CDK12: variants seen among roughly 807,000 people sequenced by gnomAD.
CDK12 encodes cyclin-dependent kinase 12.
CDK12 carries 17 observed loss-of-function variants against 133.8 expected under a neutral mutation model. The ratio of observed to expected loss-of-function variants is 0.13; its 90% CI spans 0.09 to 0.19. CDK12 has a LOEUF of 0.19. Ranked by LOEUF, CDK12 falls within the 10% of genes least tolerant of loss-of-function variation. The pLI, the probability that CDK12 is intolerant of heterozygous loss-of-function variation, is 1.00. For synonymous variants in CDK12, 694 were observed against 683.6 expected (o/e 1.02, Z -0.24); for missense variants, 1,508 against 1,818.7 (o/e 0.83, Z 3.11).
rs1305526709 is a variant in CDK12, at chr17:39,462,977, C to G, written c.906C>G (p.Val302=). 6.2e-7 allele frequency: 1 copy of G among 1,614,180 alleles called. No homozygotes were observed. The highest frequency in any genetic ancestry group is 8.5e-7 in the Non-Finnish European group (1 of 1,180,014). Residue 302 remains valine, a synonymous_variant, in exon 1 of 14, where the codon GTC becomes GTG. Coordinates refer to ENST00000447079, the MANE Select transcript of CDK12 (RefSeq NM_016507.4). Reference sequence around the variant, plus strand: ...CCTACAGTAGGCGACAGAGATCTGTCAGTCCCTATAGCAGGAGACGGTCGT... The same window carrying G: ...CCTACAGTAGGCGACAGAGATCTGTGAGTCCCTATAGCAGGAGACGGTCGT... ...PSPYSRRQRS[V]SPYSRRRSSS...
chr17:39,478,647 A>G (rs2050398619), intron 2 of CDK12, among the ~76,000 whole-genome samples: 1 of 152,134 alleles, frequency 6.6e-6, no homozygotes, highest in South Asian at 2.1e-4. Flanking sequence ...TTTAGGCTAC[A>G]TAGCCAGACC....
downstream of CDK12, among the ~76,000 whole-genome samples, chr17:39,537,651 C>T (rs1390903655): frequency 6.7e-6 from 1 of 149,964 alleles, no homozygotes; most frequent in Non-Finnish European, 1.5e-5. Context: ...CAGCCTCCAC[C>T]TCCCAGGTTC....
rs574769005 is a variant in CDK12 at position 39,498,006 on chromosome 17, T to C, written c.2420-3244T>C. On this transcript the variant is annotated intron_variant, in intron 5 of 13. Coordinates refer to ENST00000447079, the MANE Select transcript of CDK12 (RefSeq NM_016507.4). Reference sequence around the variant, plus strand: ...CTCTTTCTCTCTCTCTTTCTCTCTTTCTTTCTTTTTTTTTTGGGACAGAGT... The same window carrying C: ...CTCTTTCTCTCTCTCTTTCTCTCTTCCTTTCTTTTTTTTTTGGGACAGAGT... Among the ~76,000 whole-genome samples the C allele has an allele frequency of 6.1e-3, 571 of 92,890 alleles. 3 individuals are homozygous for C. Among genetic ancestry groups the C allele is most frequent in the Middle Eastern group, 0.012 (2 of 164 alleles). The allele number at this position is 92,890 out of a possible 152,430, so 60.9% of individuals were successfully genotyped here. A position where few individuals can be genotyped will look rare whatever the true frequency, so the allele number is the denominator to read the frequency against.
rs1049684979 is a variant in CDK12 at position 39,494,721 on chromosome 17, A to G, written c.2419+27A>G. On this transcript the variant is annotated intron_variant, in intron 5 of 13. Coordinates refer to ENST00000447079, the MANE Select transcript of CDK12 (RefSeq NM_016507.4). Reference sequence around the variant, plus strand: ...TACTAGCAAAGAATCACATTTTTACAGGGTAGACTGGTCCAATCTTTGCCT... The same window carrying G: ...TACTAGCAAAGAATCACATTTTTACGGGGTAGACTGGTCCAATCTTTGCCT... The G allele has an allele frequency of 1.5e-5, 22 of 1,469,654 alleles. 1 individual carries two copies. Among genetic ancestry groups the G allele is most frequent in the East Asian group, 1.5e-4 (6 of 40,384 alleles). 91.0% of individuals were successfully genotyped at this position (1,469,654 alleles called of 1,614,324 possible). A position where few individuals can be genotyped will look rare whatever the true frequency, so the allele number is the denominator to read the frequency against.
rs1421644120 is a variant in CDK12, at chr17:39,533,972, T to G, written c.*2656T>G. ...TTCCATTCAAAAGTGGTTTTCGTTT[T>G]GTTTTAATTATTGTACAATGAGAGA... On this transcript the variant is annotated 3_prime_UTR_variant, in exon 14 of 14. Transcript: ENST00000447079. 1 of 232,306 alleles carries G rather than the reference T, an allele frequency of 4.3e-6. No homozygotes were observed. The highest frequency in any genetic ancestry group is 2.2e-5 in the African/African-American group (1 of 45,300). 14.4% of individuals were successfully genotyped at this position (232,306 alleles called of 1,614,324 possible).
intron 2 of CDK12, among the ~76,000 whole-genome samples, chr17:39,552,125 G>C (rs1464965222): frequency 6.6e-6 from 1 of 152,026 alleles, no homozygotes; most frequent in African/African-American, 2.4e-5. Flanking sequence ...CCTTCAGACT[G>C]TGAGTCATCT....
At chr17:39,565,304 T>C (rs1390693794), downstream of CDK12, among the ~76,000 whole-genome samples, 1 of 151,476 alleles carries the variant, frequency 6.6e-6, no homozygotes. Flanking sequence ...TTAGTAGAGA[T>C]GGGGTTTCAC....
chr17:39,462,662 G>C lies in CDK12; in HGVS notation c.591G>C (p.Arg197=), dbSNP rs1395438584. 45 of 1,613,976 alleles carry C rather than the reference G, an allele frequency of 2.8e-5. No homozygotes were observed. The highest frequency in any genetic ancestry group is 8.8e-5 in the South Asian group (8 of 91,074). The change falls in exon 1 of 14, where the codon CGG becomes CGC. Residue 197 remains arginine (R), a synonymous_variant. Transcript: ENST00000447079. ...ERELKSGHKD[R]SKSHRKRETP... ...AGCTGAAGTCTGGGCACAAAGACCG[G>C]AGTAAAAGTCATCGAAAAAGGGAAA...
chr17:39,504,157 G>C (rs1217165789), intron 6 of CDK12, among the ~76,000 whole-genome samples: 6 of 152,190 alleles, frequency 3.9e-5, no homozygotes, highest in African/African-American at 1.4e-4. Flanking sequence ...GGCACTACTA[G>C]TCAATACAAG....
At chr17:39,563,223 C>G (rs1280428348) in intron 3 of CDK12, among the ~76,000 whole-genome samples, 2 of 151,908 alleles carry the variant, frequency 1.3e-5, no homozygotes, top group Admixed American at 6.6e-5. Flanking sequence ...ACACAACATG[C>G]CTGGGCCACT....
intron 2 of CDK12, among the ~76,000 whole-genome samples, chr17:39,474,520 G>A (rs2050034441): frequency 6.6e-6 from 1 of 152,054 alleles, no homozygotes; most frequent in South Asian, 2.1e-4. Flanking sequence ...ACATCATGTT[G>A]CCCAGGTTGG....
chr17:39,482,894 G>A (rs1029471610), intron 2 of CDK12, among the ~76,000 whole-genome samples: 1 of 145,810 alleles, frequency 6.9e-6, no homozygotes, highest in Non-Finnish European at 1.5e-5. Context: ...GAGCCACTAT[G>A]CCTGCCTCAA....
intron 1 of CDK12, among the ~76,000 whole-genome samples, chr17:39,469,837 A>G (rs190918329): frequency 6.6e-6 from 1 of 151,988 alleles, no homozygotes; most frequent in African/African-American, 2.4e-5. Context: ...GGGTTTCTCC[A>G]TGTTGGTCAG....
intron 6 of CDK12, among the ~76,000 whole-genome samples, chr17:39,504,520 A>G (rs2052954540): frequency 6.6e-6 from 1 of 152,052 alleles, no homozygotes; most frequent in Admixed American, 6.6e-5. Context: ...AGTTAATGGG[A>G]AGGTACTGGT....
intron 6 of CDK12, among the ~76,000 whole-genome samples, chr17:39,509,451 A>G (rs951490661): frequency 6.6e-6 from 1 of 151,638 alleles, no homozygotes; most frequent in Non-Finnish European, 1.5e-5. Flanking sequence ...TTTGTTTTTT[A>G]AGTGTAAGGC....
At chr17:39,509,559 A>C in intron 6 of CDK12, 146 bp from the exon 7 acceptor site, 1 of 611,616 alleles carries the variant, frequency 1.6e-6, no homozygotes. Context: ...TTTTTTAAAA[A>C]GAAAGAGAAA....
At chr17:39,519,389 AC>A (rs1206892768) in intron 10 of CDK12, among the ~76,000 whole-genome samples, 1 of 130,520 alleles carries the variant, frequency 7.7e-6, no homozygotes, top group Non-Finnish European at 1.5e-5. Context: ...GCTCACTGCA[AC>A]CTCCGCCTCC....
At chr17:39,546,423 A>G (rs1428895590), upstream of CDK12, among the ~76,000 whole-genome samples, 1 of 151,782 alleles carries the variant, frequency 6.6e-6, no homozygotes, top group Non-Finnish European at 1.5e-5. Context: ...TGACCTCGTA[A>G]TCCGCCTGCC....
intron 5 of CDK12, among the ~76,000 whole-genome samples, chr17:39,498,957 T>C (rs1177886737): frequency 0.25 from 1 of 4 alleles, no homozygotes. Flanking sequence ...CTTTCTTTCT[T>C]TCTTTCTTTC....
Sources: gnomAD v4.1 joint callset for allele counts (sites outside exome capture counted in the v4.1 genomes callset) on GRCh38, gnomAD v4.1.1 for gene constraint, MANE v1.5 for transcripts, NCBI Gene and HGNC (gene_info 2026-07-23, HGNC 2026-07-21) for gene names.